The following BFSP1 variants were observed in gnomAD, a reference collection of about 807,000 sequenced individuals.
BFSP1 encodes beaded filament structural protein 1, also known as filensin.
A neutral mutation model predicts 43.9 loss-of-function variants in BFSP1; 38 were observed. The ratio of observed to expected loss-of-function variants is 0.87; its 90% CI spans 0.67 to 1.14. The LOEUF (loss-of-function observed/expected upper bound fraction) is 1.14. Ranked by LOEUF, BFSP1 falls within the 50% of genes most tolerant of loss-of-function variation. BFSP1 has a pLI of 0.00. For missense variants in BFSP1, 850 were observed against 875.1 expected, an observed-to-expected ratio of 0.97 and a Z score of 0.36; for synonymous variants, 352 against 354.8, an observed-to-expected ratio of 0.99 and a Z score of 0.09.
At chr20:17,557,267 T>C (rs937895042) in intron 1 of BFSP1, among the ~76,000 whole-genome samples, 1 of 152,228 alleles carries the variant, frequency 6.6e-6, no homozygotes, top group African/African-American at 2.4e-5. Context: ...AATCTGGCCC[T>C]CGCAGTTTCT....
rs2034522131 is a variant in BFSP1, at chr20:17,531,018, G to A, written c.312C>T (p.Ala104=). 1 of 1,431,156 alleles carries A rather than the reference G, an allele frequency of 7.0e-7. No homozygotes were observed. The highest frequency in any genetic ancestry group is 9.1e-7 in the Non-Finnish European group (1 of 1,096,562). The allele number at this position is 1,431,156 out of a possible 1,614,324, so 88.7% of individuals were successfully genotyped here. ...SNRQRVRDLE[A]ERARLERQGT... is the part of the protein sequence containing the mutation. Reference sequence around the variant, plus strand: ...CCTGGCGCTCCAGCCGGGCGCGCTCGGCCTCCAGGTCCCGGACGCGCTGGC... The same window carrying A: ...CCTGGCGCTCCAGCCGGGCGCGCTCAGCCTCCAGGTCCCGGACGCGCTGGC... Residue 104 remains alanine, a synonymous_variant, in exon 1 of 8, where the codon GCC becomes GCT. Coordinates refer to ENST00000377873, the MANE Select transcript of BFSP1 (RefSeq NM_001195.5).
upstream of BFSP1, among the ~76,000 whole-genome samples, chr20:17,534,906 G>C (rs941085667): frequency 1.3e-5 from 2 of 152,046 alleles, no homozygotes; most frequent in Non-Finnish European, 2.9e-5. Flanking sequence ...TGTAGTCCCA[G>C]CTACTCGGGA....
At chr20:17,506,962 G>A (rs956608081) in intron 5 of BFSP1, 1 of 152,204 alleles carries the variant, frequency 6.6e-6, no homozygotes, top group Non-Finnish European at 1.5e-5. Context: ...CTTTAGAGAC[G>A]AGGGCAGCAG....
intron 6 of BFSP1, among the ~76,000 whole-genome samples, chr20:17,497,562 GTGTGTATA>G (rs1568679530): frequency 5.8e-5 from 3 of 51,840 alleles, no homozygotes; most frequent in African/African-American, 2.4e-4. Flanking sequence ...ATGTATATGT[GTGTGTATA>G]TGTATATATA....
chr20:17,517,338 T>TAACA, intron 2 of BFSP1: 4 of 1,047,972 alleles, frequency 3.8e-6, no homozygotes, highest in Non-Finnish European at 5.9e-6. Flanking sequence ...AGACATGAAC[T>TAACA]AACAAACAAA....
At chr20:17,544,201 T>C (rs1423663289) in intron 1 of BFSP1, among the ~76,000 whole-genome samples, 3 of 152,112 alleles carry the variant, frequency 2.0e-5, no homozygotes, top group Non-Finnish European at 2.9e-5. Context: ...TCTCAACATA[T>C]CTAAGGGTTC....
chr20:17,496,946 C>A lies in BFSP1; in HGVS notation c.1034G>T (p.Gly345Val), dbSNP rs925799877. 6.5e-6 allele frequency: 10 copies of A among 1,537,958 alleles called. No homozygotes were observed. The highest frequency in any genetic ancestry group is 1.4e-5 in the African/African-American group (1 of 72,048). The change falls in exon 7 of 8, where the codon GGT becomes GTT. Residue 345 changes from glycine to valine, a missense_variant. Transcript: ENST00000377873. ...GTGTTGGGGAGCGTTACCTTTCCCA[C>A]CGGATCCAGTGCTGAGAGAGACTCC... ...SHGVSLSTGS[G>V]GKDLTRALQD...
Position 17,507,571 on chromosome 20 carries a change from T to TACACATG in BFSP1, c.735+1311_735+1317dup, listed in dbSNP as rs1226278500. 2.0e-5 allele frequency among the ~76,000 whole-genome samples: 3 copies of TACACATG among 151,530 alleles called. No individual in the cohort carries two copies. Among genetic ancestry groups the TACACATG allele is most frequent in the Non-Finnish European group, 4.4e-5 (3 of 67,874 alleles). Reference sequence around the variant, plus strand: ...TATTCACATACACAGCACACACACATACACATGACACACACACACCACACA... The same window carrying TACACATG: ...TATTCACATACACAGCACACACACATACACATGACACATGACACACACACACCACACA... On this transcript the variant is annotated intron_variant, in intron 5 of 7. Transcript: ENST00000377873. The surrounding 1 kb of genome is among the most constrained non-coding windows in gnomAD (Gnocchi z 4.4).
At chr20:17,495,862 C>T (rs947553778) in intron 7 of BFSP1, among the ~76,000 whole-genome samples, 6 of 152,168 alleles carry the variant, frequency 3.9e-5, no homozygotes, top group African/African-American at 9.7e-5. Flanking sequence ...AGGGCAAGAC[C>T]GATCAAGCAC....
upstream of BFSP1, among the ~76,000 whole-genome samples, chr20:17,562,382 C>A (rs1414282585): frequency 2.6e-5 from 4 of 151,686 alleles, no homozygotes; most frequent in African/African-American, 9.7e-5. Context: ...AAAAACTTAG[C>A]CAGGCGTGGT....
chr20:17,560,983 T>G (rs1248785715), upstream of BFSP1, among the ~76,000 whole-genome samples: 1 of 152,242 alleles, frequency 6.6e-6, no homozygotes, highest in Non-Finnish European at 1.5e-5. Context: ...TCTCTTGTTT[T>G]TACATGTTAA....
At chr20:17,531,873 A>G (rs113120580), upstream of BFSP1, among the ~76,000 whole-genome samples, 6 of 151,554 alleles carry the variant, frequency 4.0e-5, no homozygotes, top group East Asian at 9.7e-4. Flanking sequence ...TATGCATGCA[A>G]TTCTTTTTCA....
chr20:17,567,737 TG>T (rs1249463872), intron 1 of BFSP1, among the ~76,000 whole-genome samples: 1 of 151,994 alleles, frequency 6.6e-6, no homozygotes, highest in Non-Finnish European at 1.5e-5. Flanking sequence ...GGCGCATGCC[TG>T]TAATCCCAGC....
At chr20:17,533,162 C>A (rs2034575220), upstream of BFSP1, among the ~76,000 whole-genome samples, 1 of 151,592 alleles carries the variant, frequency 6.6e-6, no homozygotes, top group Non-Finnish European at 1.5e-5. Flanking sequence ...CGAGCCTTGG[C>A]AACATAGTGA....
chr20:17,518,509 A>G (rs1407345769), intron 2 of BFSP1, among the ~76,000 whole-genome samples: 2 of 152,170 alleles, frequency 1.3e-5, no homozygotes, highest in Admixed American at 1.3e-4. Context: ...AGACTGATGC[A>G]CTCATGCAAA....
At chr20:17,567,133 G>A (rs2035128717) in intron 1 of BFSP1, among the ~76,000 whole-genome samples, 2 of 152,196 alleles carry the variant, frequency 1.3e-5, no homozygotes, top group Admixed American at 6.5e-5. Context: ...TCCGTGTGGA[G>A]AGGAGGAATG....
At chr20:17,546,806 T>A (rs1167382280) in intron 1 of BFSP1, among the ~76,000 whole-genome samples, 1 of 151,990 alleles carries the variant, frequency 6.6e-6, no homozygotes, top group African/African-American at 2.4e-5. Flanking sequence ...TAGGTGGATC[T>A]CGAGGTCAGG....
In BFSP1 at chr20:17,497,067, G is replaced by A. The variant is rs192642337; in HGVS notation, c.957-44C>T. 6.6e-5 allele frequency: 93 copies of A among 1,407,942 alleles called. No homozygotes were observed. In the African/African-American group the frequency reaches 1.3e-3, roughly 20 times the overall value. The allele number at this position is 1,407,942 out of a possible 1,614,324, so 87.2% of individuals were successfully genotyped here. ...AAGAACAAGCCAAACAGAGGTCAGG[G>A]GCAAGAGCGACTCTCGTTAATGTTG... On this transcript the variant is annotated intron_variant, in intron 6 of 7. Coordinates refer to ENST00000377873, the MANE Select transcript of BFSP1 (RefSeq NM_001195.5).
upstream of BFSP1, among the ~76,000 whole-genome samples, chr20:17,562,601 G>T (rs552294025): frequency 6.6e-6 from 1 of 150,714 alleles, no homozygotes; most frequent in Non-Finnish European, 1.5e-5. Flanking sequence ...AGAACCACTG[G>T]TTGAGATAAT....
Sources: gnomAD v4.1 joint callset for allele counts (sites outside exome capture counted in the v4.1 genomes callset) on GRCh38, gnomAD v4.1.1 for gene constraint, Gnocchi (gnomAD v3.1) non-coding constraint, MANE v1.5 for transcripts, NCBI Gene and HGNC (gene_info 2026-07-23, HGNC 2026-07-21) for gene names.